The following STAB2 variants were observed in gnomAD, a reference collection of about 807,000 sequenced individuals.
STAB2 encodes stabilin 2, also known as stabilin-2.
In STAB2, 288 loss-of-function variants were observed where a neutral mutation model predicts 338.1. The ratio of observed to expected loss-of-function variants is 0.85; its 90% CI spans 0.77 to 0.94. The LOEUF is 0.94. Ranked by LOEUF, STAB2 falls within the 40% of genes least tolerant of loss-of-function variation. The pLI is 0.00. For synonymous variants in STAB2, 1,202 were observed against 1,193.3 expected, an observed-to-expected ratio of 1.01 and a Z score of -0.15; for missense variants, 3,141 against 3,210.1, an observed-to-expected ratio of 0.98 and a Z score of 0.52.
intron 17 of STAB2, among the ~76,000 whole-genome samples, chr12:103,662,156 T>A (rs1424986090): frequency 6.6e-6 from 1 of 152,188 alleles, no homozygotes; most frequent in African/African-American, 2.4e-5. Flanking sequence ...ACTGCAGTCT[T>A]GCAATTTTTA....
chr12:103,753,931 G>C lies in STAB2; in HGVS notation c.6714+578G>C, dbSNP rs17034468. On this transcript the variant is annotated intron_variant, in intron 61 of 68. Coordinates refer to ENST00000388887, the MANE Select transcript of STAB2 (RefSeq NM_017564.10). Reference sequence around the variant, plus strand: ...AAAAAAGAGACTGCACAAGCTTTCAGATATGGCAGGAAGGAAACGGAGCTC... The same window carrying C: ...AAAAAAGAGACTGCACAAGCTTTCACATATGGCAGGAAGGAAACGGAGCTC... 9.7e-3 allele frequency among the ~76,000 whole-genome samples: 1,473 copies of C among 152,314 alleles called. 46 individuals carry two copies. Among genetic ancestry groups the C allele is most frequent in the East Asian group, 0.097 (501 of 5,184 alleles).
chr12:103,648,870 GA>G (rs1266855838), intron 10 of STAB2, 47 bp downstream of exon 10: 1 of 1,598,948 alleles, frequency 6.3e-7, no homozygotes, highest in Admixed American at 1.7e-5. Flanking sequence ...CCTCTTTCAG[GA>G]AAGGGCATCT....
chr12:103,731,535 T>C (rs1023690126), intron 49 of STAB2, 41 bp from the exon 50 acceptor site: 2 of 1,607,490 alleles, frequency 1.2e-6, no homozygotes, highest in Non-Finnish European at 1.7e-6. Flanking sequence ...TCTTAAACTG[T>C]ATAAGGAAAA....
At chr12:103,746,949 CTTT>C (rs370851005) in intron 58 of STAB2, among the ~76,000 whole-genome samples, 6 of 96,076 alleles carry the variant, frequency 6.2e-5, no homozygotes, top group Non-Finnish European at 2.1e-5. Context: ...GTTTTTCTTT[CTTT>C]TTTTTTTTTT....
At chr12:103,652,283 A>G (rs1187863086) in intron 11 of STAB2, among the ~76,000 whole-genome samples, 1 of 152,206 alleles carries the variant, frequency 6.6e-6, no homozygotes, top group Non-Finnish European at 1.5e-5. Flanking sequence ...TTTCAATGCT[A>G]AAGCAACCTC....
At chr12:103,621,200 A>T (rs1957295882) in intron 4 of STAB2, among the ~76,000 whole-genome samples, 1 of 152,222 alleles carries the variant, frequency 6.6e-6, no homozygotes, top group African/African-American at 2.4e-5. Flanking sequence ...GACACTATAT[A>T]GGACTATAGA....
chr12:103,703,210 TG>T lies in STAB2; in HGVS notation c.3779del (p.Gly1260AlafsTer32). 2.5e-6 allele frequency: 4 copies of T among 1,614,070 alleles called. No individual in the cohort carries two copies. Among genetic ancestry groups the T allele is most frequent in the Non-Finnish European group, 3.4e-6 (4 of 1,180,034 alleles). ...NVATDKGVIH[G>X]LGKVLEIQKN... is the part of the protein sequence containing the mutation. ...TAGCCACTGATAAGGGAGTGATCCA[TG>T]GCTTGGGAAAAGTTCTGGAAATTCA... is the stretch of plus-strand genomic sequence containing the variant. On this transcript the variant is annotated frameshift_variant, in exon 35 of 69. Transcript: ENST00000388887. LOFTEE classifies it high-confidence loss of function.
intron 15 of STAB2, among the ~76,000 whole-genome samples, chr12:103,659,031 T>C (rs1369082124): frequency 3.9e-5 from 6 of 152,310 alleles, no homozygotes; most frequent in East Asian, 1.9e-4. Context: ...TAAGTTGAGA[T>C]GTAAAGGCTA....
chr12:103,645,898 G>T (rs1873293943), intron 9 of STAB2, among the ~76,000 whole-genome samples: 1 of 151,908 alleles, frequency 6.6e-6, no homozygotes, highest in Admixed American at 6.6e-5. Context: ...TGGGGAGGGG[G>T]GGCAAAATTG....
chr12:103,691,204 T>A (rs1280700958), intron 30 of STAB2, among the ~76,000 whole-genome samples: 1 of 152,208 alleles, frequency 6.6e-6, no homozygotes, highest in Non-Finnish European at 1.5e-5. Context: ...GCTCTTCCTG[T>A]GAATTGCACA....
intron 16 of STAB2, 108 bp from the exon 17 acceptor site, chr12:103,660,575 T>G: frequency 7.3e-7 from 1 of 1,368,546 alleles, no homozygotes; most frequent in Non-Finnish European, 1.0e-6. Context: ...CAAAACTCCC[T>G]TTACTTATTT....
rs764024913 is a variant in STAB2 at position 103,631,687 on chromosome 12, G to A, written c.577G>A (p.Asp193Asn). The change falls in exon 6 of 69, where the codon GAC becomes AAC. Residue 193 changes from aspartate (D) to asparagine (N), a missense_variant. Transcript: ENST00000388887. Reference sequence around the variant, plus strand: ...CTCTGCGTACACTGGCCCCAAGTGTGACAAGCGTAAGTACTGCTAGTTCCC... The same window carrying A: ...CTCTGCGTACACTGGCCCCAAGTGTAACAAGCGTAAGTACTGCTAGTTCCC... ...CYSAYTGPKC[D>N]KPIPECAALL... 8 of 1,614,008 alleles carry A rather than the reference G, an allele frequency of 5.0e-6. No individual in the cohort carries two copies. Among genetic ancestry groups the A allele is most frequent in the African/African-American group, 1.3e-5 (1 of 74,936 alleles).
intron 2 of STAB2, among the ~76,000 whole-genome samples, chr12:103,592,945 A>T (rs1956822064): frequency 6.6e-6 from 1 of 152,044 alleles, no homozygotes; most frequent in South Asian, 2.1e-4. Flanking sequence ...AGCTTATCTC[A>T]CTTAGCATGA....
chr12:103,642,047 T>A (rs703625), intron 9 of STAB2, among the ~76,000 whole-genome samples: 65,081 of 152,072 alleles, frequency 0.43, 15,189 homozygotes, highest in Non-Finnish European at 0.54. Flanking sequence ...GGTTGAAACA[T>A]GAACTCTACC....
intron 58 of STAB2, among the ~76,000 whole-genome samples, chr12:103,747,385 T>G (rs756993440): frequency 4.6e-5 from 7 of 152,214 alleles, no homozygotes; most frequent in Non-Finnish European, 8.8e-5. Flanking sequence ...TAATACAGTT[T>G]CACTCTGAAA....
At chr12:103,760,478 C>T (rs989341471) in intron 65 of STAB2, among the ~76,000 whole-genome samples, 1 of 152,180 alleles carries the variant, frequency 6.6e-6, no homozygotes, top group African/African-American at 2.4e-5. Context: ...CCAGGCTGGT[C>T]TTGAACTCCT....
intron 12 of STAB2, among the ~76,000 whole-genome samples, chr12:103,653,355 T>A (rs1245449221): frequency 1.3e-5 from 2 of 152,208 alleles, no homozygotes; most frequent in Non-Finnish European, 2.9e-5. Context: ...TAAATCTTTA[T>A]CTTTGTTACA....
intron 67 of STAB2, 143 bp downstream of exon 67, chr12:103,762,545 C>A: frequency 8.0e-7 from 1 of 1,256,906 alleles, no homozygotes. Context: ...GCCACCCACC[C>A]CACGCTTACT....
At chr12:103,642,955 A>G (rs940284979) in intron 9 of STAB2, among the ~76,000 whole-genome samples, 3 of 152,198 alleles carry the variant, frequency 2.0e-5, no homozygotes, top group African/African-American at 7.2e-5. Flanking sequence ...CTGCTGAACT[A>G]CTTATTATTT....
Sources: gnomAD v4.1 joint callset for allele counts (sites outside exome capture counted in the v4.1 genomes callset) on GRCh38, gnomAD v4.1.1 for gene constraint, MANE v1.5 for transcripts, NCBI Gene and HGNC (gene_info 2026-07-23, HGNC 2026-07-21) for gene names.